The following NTM variants were observed in gnomAD, a reference collection of about 807,000 sequenced individuals.
NTM encodes the protein IgLON family member 2.
NTM carries 13 observed loss-of-function variants against 42.1 expected under a neutral mutation model. The ratio of observed to expected loss-of-function variants is 0.31; its 90% confidence interval spans 0.20 to 0.49. The LOEUF is 0.49. Ranked by LOEUF, NTM falls within the 20% of genes least tolerant of loss-of-function variation. The probability of loss-of-function intolerance (pLI) is 0.99; values close to 1 mark genes in which losing one functional copy is unlikely to be tolerated. For synonymous variants in NTM, 187 were observed against 179.2 expected (o/e 1.04, Z -0.35); for missense variants, 373 against 452.8 (o/e 0.82, Z 1.60).
At chr11:132,123,627 A>G (rs1341712381) in intron 2 of NTM, among the ~76,000 whole-genome samples, 1 of 152,198 alleles carries the variant, frequency 6.6e-6, no homozygotes, top group African/African-American at 2.4e-5. Flanking sequence ...ACAATGCTAT[A>G]TGCGCATTTG....
intron 1 of NTM, among the ~76,000 whole-genome samples, chr11:131,500,136 A>G (rs1169879805): frequency 6.6e-6 from 1 of 152,136 alleles, no homozygotes; most frequent in Admixed American, 6.5e-5. Context: ...CGGGCTCCAA[A>G]CCCCACAGTC....
chr11:132,299,068 G>T (rs372966547), intron 4 of NTM, among the ~76,000 whole-genome samples: 1 of 152,280 alleles, frequency 6.6e-6, no homozygotes, highest in African/African-American at 2.4e-5. Context: ...GGCCAAGAAG[G>T]GTGGATCATG....
intron 4 of NTM, among the ~76,000 whole-genome samples, chr11:132,291,551 G>A (rs1291627194): frequency 6.6e-6 from 1 of 152,162 alleles, no homozygotes; most frequent in African/African-American, 2.4e-5. Flanking sequence ...AGATATAAAT[G>A]TGTGAGTTAT....
In NTM at chr11:131,748,321, T is replaced by G. The variant is rs114993063; in HGVS notation, c.83-163243T>G. Among the ~76,000 whole-genome samples, 1,084 of 152,316 alleles carry G rather than the reference T, an allele frequency of 7.1e-3. 10 individuals carry two copies. The highest frequency in any genetic ancestry group is 0.024 in the African/African-American group (994 of 41,570). On this transcript the variant is annotated intron_variant, in intron 1 of 8. Transcript: ENST00000683400. ...GACTGTGGACATTGTCTGAAAATAG[T>G]GGCAGAGCAGCAGATAATTCTGGAT...
At chr11:131,951,925 T>C (rs1450113127) in intron 2 of NTM, among the ~76,000 whole-genome samples, 1 of 152,086 alleles carries the variant, frequency 6.6e-6, no homozygotes, top group African/African-American at 2.4e-5. Flanking sequence ...ATGCGATTTC[T>C]GCTTTGATTG....
intron 1 of NTM, among the ~76,000 whole-genome samples, chr11:131,721,140 TCTC>T (rs1242705424): frequency 6.6e-6 from 1 of 150,722 alleles, no homozygotes; most frequent in Admixed American, 6.6e-5. Context: ...AAAAAAAAAA[TCTC>T]CTGACAAATT....
chr11:131,433,655 T>C (rs1948871691), intron 1 of NTM, among the ~76,000 whole-genome samples: 1 of 152,214 alleles, frequency 6.6e-6, no homozygotes, highest in Admixed American at 6.5e-5. Context: ...CTAACTTCCA[T>C]GGTGGCTCTT....
intron 1 of NTM, among the ~76,000 whole-genome samples, chr11:131,781,230 A>C (rs777793617): frequency 2.6e-5 from 4 of 152,132 alleles, no homozygotes; most frequent in Admixed American, 6.5e-5. Flanking sequence ...AATGCAGAGA[A>C]CACATTTGAG....
chr11:132,207,108 G>A (rs879844834), intron 3 of NTM, among the ~76,000 whole-genome samples: 8 of 152,174 alleles, frequency 5.3e-5, no homozygotes, highest in Admixed American at 2.0e-4. Context: ...TCTAAAGCAA[G>A]GGTCTCCAAA....
intron 2 of NTM, among the ~76,000 whole-genome samples, chr11:132,026,242 G>A (rs1265472096): frequency 6.6e-6 from 1 of 152,210 alleles, no homozygotes; most frequent in Non-Finnish European, 1.5e-5. Context: ...TTCCCTGGCA[G>A]TAAGAGCTTA....
At chr11:131,969,463 C>T (rs933511322) in intron 2 of NTM, among the ~76,000 whole-genome samples, 4 of 152,214 alleles carry the variant, frequency 2.6e-5, no homozygotes, top group Non-Finnish European at 5.9e-5. Flanking sequence ...GTCTTCTTGA[C>T]ATATGCTGTT....
chr11:131,788,995 G>A (rs916384273), intron 1 of NTM, among the ~76,000 whole-genome samples: 1 of 152,128 alleles, frequency 6.6e-6, no homozygotes, highest in African/African-American at 2.4e-5. Flanking sequence ...AGCTGTTCTT[G>A]AGTGTTTCCT....
intron 1 of NTM, among the ~76,000 whole-genome samples, chr11:131,454,522 C>T (rs527613753): frequency 6.6e-6 from 1 of 152,346 alleles, no homozygotes; most frequent in East Asian, 1.9e-4. Flanking sequence ...CTACACACTG[C>T]TGCTTCCTGC....
chr11:131,500,222 G>A (rs1035514852), intron 1 of NTM, among the ~76,000 whole-genome samples: 5 of 152,152 alleles, frequency 3.3e-5, no homozygotes, highest in Admixed American at 2.0e-4. Flanking sequence ...TGAGAAGTAC[G>A]CGGACTCAAG....
intron 2 of NTM, among the ~76,000 whole-genome samples, chr11:131,990,573 C>T (rs1436733017): frequency 1.3e-5 from 2 of 151,908 alleles, no homozygotes; most frequent in African/African-American, 4.8e-5. Context: ...CAGTCTTACA[C>T]AAAACCTTAA....
intron 2 of NTM, among the ~76,000 whole-genome samples, chr11:131,922,939 G>C (rs2057432832): frequency 6.6e-6 from 1 of 152,222 alleles, no homozygotes; most frequent in Admixed American, 6.5e-5. Context: ...CTTCTCTGCT[G>C]TTCCTGGAAC....
intron 4 of NTM, among the ~76,000 whole-genome samples, chr11:132,233,035 A>G (rs914212963): frequency 6.6e-6 from 1 of 151,912 alleles, no homozygotes; most frequent in African/African-American, 2.4e-5. Context: ...GGAAATGAAG[A>G]GAGTTGAACG....
chr11:132,311,397 A>G (rs1409673497), intron 6 of NTM, among the ~76,000 whole-genome samples: 2 of 152,198 alleles, frequency 1.3e-5, no homozygotes, highest in East Asian at 1.9e-4. Flanking sequence ...AGTGAGATGT[A>G]TTATATTCAT....
At chr11:131,814,259 T>C (rs7115091) in intron 1 of NTM, among the ~76,000 whole-genome samples, 4,488 of 152,222 alleles carry the variant, frequency 0.029, 218 homozygotes, top group African/African-American at 0.1. Flanking sequence ...CCCTGGTGTT[T>C]CCCTTTCTGG....
Sources: gnomAD v4.1 joint callset for allele counts (sites outside exome capture counted in the v4.1 genomes callset) on GRCh38, gnomAD v4.1.1 for gene constraint, MANE v1.5 for transcripts, NCBI Gene and HGNC (gene_info 2026-07-23, HGNC 2026-07-21) for gene names.